TM9SF2: variants seen among roughly 807,000 people sequenced by gnomAD.
TM9SF2 encodes transmembrane 9 superfamily member 2, also known as 76 kDa membrane protein.
Under a neutral mutation model 84.9 loss-of-function variants are expected in TM9SF2, and 13 were observed. That is an observed-to-expected ratio of 0.15 (90% confidence interval 0.10 to 0.24). The LOEUF (loss-of-function observed/expected upper bound fraction) is 0.24. TM9SF2 is among the 10% of genes least tolerant of loss of function. TM9SF2 has a pLI of 1.00. For synonymous variants in TM9SF2, 273 were observed against 285.8 expected (o/e 0.96, Z 0.45); for missense variants, 562 against 818.5 (o/e 0.69, Z 3.82).
chr13:99,546,917 T>C lies in TM9SF2; in HGVS notation c.1151-68T>C, dbSNP rs79434813. 5.4e-3 allele frequency: 8,641 copies of C among 1,593,964 alleles called. 304 individuals carry two copies. The African/African-American group carries it at 0.086, about 16-fold the overall frequency. On this transcript the variant is annotated intron_variant, in intron 10 of 16. Coordinates refer to ENST00000376387, the MANE Select transcript of TM9SF2 (RefSeq NM_004800.3). The stretch of plus-strand genomic sequence containing the variant: ...TTCTTGTTTGAAAAATGAGAGGGTT[T>C]CTCTATCATTTCACAGCAAAGGAAA...
At chr13:99,538,341 G>A (rs1363448881) in intron 6 of TM9SF2, among the ~76,000 whole-genome samples, 3 of 151,890 alleles carry the variant, frequency 2.0e-5, no homozygotes, top group South Asian at 2.1e-4. Context: ...TATCACGAAC[G>A]TACATATCAG....
intron 1 of TM9SF2, among the ~76,000 whole-genome samples, chr13:99,504,166 TTAA>T (rs1339018149): frequency 2.6e-5 from 4 of 152,246 alleles, no homozygotes; most frequent in African/African-American, 9.6e-5. Flanking sequence ...AATCAGGATG[TTAA>T]TAATTTATTC....
intron 1 of TM9SF2, among the ~76,000 whole-genome samples, chr13:99,509,593 A>G (rs905579373): frequency 1.3e-5 from 2 of 152,172 alleles, no homozygotes; most frequent in South Asian, 2.1e-4. Flanking sequence ...TCTTTGAGCC[A>G]TGGCTGGAGC....
chr13:99,515,783 A>G (rs1363161728), intron 1 of TM9SF2, among the ~76,000 whole-genome samples: 1 of 132,962 alleles, frequency 7.5e-6, no homozygotes, highest in Admixed American at 8.6e-5. Context: ...CCCAGGCTGG[A>G]GTGTAGTGGT....
chr13:99,507,491 C>T (rs2046093697), intron 1 of TM9SF2, among the ~76,000 whole-genome samples: 2 of 152,138 alleles, frequency 1.3e-5, no homozygotes, highest in South Asian at 4.1e-4. Context: ...TTTATATTTA[C>T]TTCTTTCGTT....
intron 1 of TM9SF2, among the ~76,000 whole-genome samples, chr13:99,513,957 C>T (rs1305351098): frequency 6.6e-6 from 1 of 152,104 alleles, no homozygotes; most frequent in African/African-American, 2.4e-5. Flanking sequence ...TTGCCAGCCT[C>T]TTGGATAGAC....
chr13:99,543,121 G>T (rs1279934845), intron 9 of TM9SF2, among the ~76,000 whole-genome samples: 1 of 152,112 alleles, frequency 6.6e-6, no homozygotes, highest in Non-Finnish European at 1.5e-5. Context: ...TGCTAAGAAG[G>T]TCTGCCCCTC....
chr13:99,539,883 A>G (rs1404470277), intron 7 of TM9SF2, among the ~76,000 whole-genome samples: 1 of 152,210 alleles, frequency 6.6e-6, no homozygotes, highest in African/African-American at 2.4e-5. Flanking sequence ...GGAAATCAAC[A>G]CCGTACTTTA....
chr13:99,544,237 A>G (rs1310127782), intron 10 of TM9SF2, among the ~76,000 whole-genome samples: 1 of 151,606 alleles, frequency 6.6e-6, no homozygotes, highest in Non-Finnish European at 1.5e-5. Flanking sequence ...AATCCCAGCT[A>G]CTTGTGGGGC....
chr13:99,503,200 G>C (rs2046074135), intron 1 of TM9SF2, among the ~76,000 whole-genome samples: 1 of 152,144 alleles, frequency 6.6e-6, no homozygotes, highest in African/African-American at 2.4e-5. Flanking sequence ...AAGGCCTAGT[G>C]TTTGGTCTTA....
At chr13:99,558,836 T>A (rs922931756) in intron 15 of TM9SF2, among the ~76,000 whole-genome samples, 3 of 152,190 alleles carry the variant, frequency 2.0e-5, no homozygotes, top group African/African-American at 4.8e-5. Context: ...AGTGAAGTGT[T>A]CTCTTTTAAA....
chr13:99,510,039 A>G (rs2046106605), intron 1 of TM9SF2, among the ~76,000 whole-genome samples: 1 of 152,150 alleles, frequency 6.6e-6, no homozygotes, highest in Non-Finnish European at 1.5e-5. Context: ...TACCATATAT[A>G]CTAGGTTGTC....
intron 10 of TM9SF2, 114 bp from the exon 11 acceptor site, chr13:99,546,871 T>TAA: frequency 7.0e-7 from 1 of 1,429,506 alleles, no homozygotes. Flanking sequence ...AGCACATGGT[T>TAA]TTGCGTGAAG....
chr13:99,527,858 T>G (rs571768540), intron 3 of TM9SF2, among the ~76,000 whole-genome samples: 7 of 152,252 alleles, frequency 4.6e-5, no homozygotes, highest in Non-Finnish European at 8.8e-5. Context: ...AGGCAGTTAC[T>G]GCGCCCATTT....
intron 14 of TM9SF2, among the ~76,000 whole-genome samples, chr13:99,554,843 C>G (rs1046934467): frequency 6.6e-6 from 1 of 152,178 alleles, no homozygotes; most frequent in Non-Finnish European, 1.5e-5. Flanking sequence ...CCTAACTAAT[C>G]TGCACTGTTC....
chr13:99,508,156 A>C (rs1395705950), intron 1 of TM9SF2, among the ~76,000 whole-genome samples: 1 of 152,228 alleles, frequency 6.6e-6, no homozygotes, highest in Non-Finnish European at 1.5e-5. Context: ...TCTCTAAGTG[A>C]CATAGGATTC....
intron 2 of TM9SF2, 91 bp from the exon 3 acceptor site, chr13:99,519,945 A>G: frequency 9.3e-7 from 1 of 1,079,348 alleles, no homozygotes; most frequent in Non-Finnish European, 1.4e-6. Flanking sequence ...TGCTACAATG[A>G]TCAGTACCTA....
intron 1 of TM9SF2, among the ~76,000 whole-genome samples, chr13:99,503,730 A>AAG (rs1555339168): frequency 2.1e-3 from 305 of 144,936 alleles, no homozygotes; most frequent in East Asian, 8.4e-3. Flanking sequence ...AAAAAAAAAA[A>AAG]AAGAAGAAGA....
In TM9SF2 at chr13:99,550,519, C is replaced by A. The variant is rs187379918; in HGVS notation, c.1328+1297C>A. On this transcript the variant is annotated intron_variant, in intron 12 of 16. Transcript: ENST00000376387. ...TCCTGTGCTGGTTCTTCTTTTATGT[C>A]TCTGATCAACCCTTCTCTGATTGAT... Among the ~76,000 whole-genome samples the A allele has an allele frequency of 2.6e-5, 4 of 152,238 alleles. No individual in the cohort carries two copies. In the East Asian group the frequency reaches 7.7e-4, roughly 29 times the overall value.
Sources: allele counts gnomAD v4.1 joint callset (sites outside exome capture counted in the v4.1 genomes callset), GRCh38; gene constraint gnomAD v4.1.1; transcripts MANE v1.5; gene names NCBI Gene and HGNC (gene_info 2026-07-23, HGNC 2026-07-21).